Variants in SLC39A11 observed in about 807,000 individuals in gnomAD.
SLC39A11 encodes zinc transporter ZIP11.
Under a neutral mutation model 36.1 loss-of-function variants are expected in SLC39A11, and 33 were observed. That is an observed-to-expected ratio of 0.91 (90% CI 0.69 to 1.22). The LOEUF (loss-of-function observed/expected upper bound fraction) is 1.22, where lower values mean the gene tolerates loss of function less well. Ranked by LOEUF, SLC39A11 falls within the 50% of genes most tolerant of loss-of-function variation. SLC39A11 has a pLI of 0.00. For synonymous variants in SLC39A11, 166 were observed against 170.3 expected (o/e 0.97, Z 0.20); for missense variants, 432 against 430.3 (o/e 1.00, Z -0.03).
chr17:72,667,485 AT>A (rs764822142), intron 7 of SLC39A11, among the ~76,000 whole-genome samples: 24 of 152,254 alleles, frequency 1.6e-4, no homozygotes, highest in Admixed American at 3.3e-4. Context: ...TTGGGAAACA[AT>A]TGTGTTTTCT....
At chr17:72,658,911 G>C (rs1374929375) in intron 7 of SLC39A11, among the ~76,000 whole-genome samples, 2 of 152,192 alleles carry the variant, frequency 1.3e-5, no homozygotes, top group Non-Finnish European at 2.9e-5. Context: ...AACTGCCCGA[G>C]GCTGCTGAAT....
intron 7 of SLC39A11, among the ~76,000 whole-genome samples, chr17:72,696,145 C>T (rs915314977): frequency 4.0e-5 from 6 of 150,836 alleles, no homozygotes; most frequent in Non-Finnish European, 5.9e-5. Flanking sequence ...GTGAAGATCT[C>T]GGAAGGAAAC....
Position 72,910,981 on chromosome 17 carries a change from T to C in SLC39A11, c.430+36771A>G, listed in dbSNP as rs140600923. ...CTTTGCATCAGAATAATACCAACCA[T>C]AGCACCACACTTTGCCCAGAACCTC... On this transcript the variant is annotated intron_variant, in intron 5 of 9. Transcript: ENST00000255559. Among the ~76,000 whole-genome samples the C allele has an allele frequency of 2.5e-3, 374 of 148,768 alleles. 4 individuals are homozygous for C. The highest frequency in any genetic ancestry group is 7.6e-3 in the African/African-American group (306 of 40,456).
intron 4 of SLC39A11, among the ~76,000 whole-genome samples, chr17:73,014,561 G>T (rs1031384914): frequency 2.0e-5 from 3 of 151,458 alleles, no homozygotes; most frequent in Non-Finnish European, 4.4e-5. Context: ...GGAGACTGAG[G>T]CAAGAGGATC....
intron 4 of SLC39A11, among the ~76,000 whole-genome samples, chr17:73,004,468 T>G (rs1041171253): frequency 1.3e-5 from 2 of 152,160 alleles, no homozygotes; most frequent in Non-Finnish European, 2.9e-5. Context: ...TAATCCCATA[T>G]GAGGGCCCCA....
chr17:72,912,686 C>A (rs2083088318), intron 5 of SLC39A11, among the ~76,000 whole-genome samples: 1 of 152,240 alleles, frequency 6.6e-6, no homozygotes, highest in Non-Finnish European at 1.5e-5. Flanking sequence ...GAGGAGGAAA[C>A]ACCGGACCAG....
intron 6 of SLC39A11, among the ~76,000 whole-genome samples, chr17:72,785,488 C>T (rs769615119): frequency 6.6e-6 from 1 of 152,198 alleles, no homozygotes; most frequent in Non-Finnish European, 1.5e-5. Flanking sequence ...CAGTATTTGG[C>T]TCCTCCATCT....
intron 5 of SLC39A11, among the ~76,000 whole-genome samples, chr17:72,894,965 T>C (rs888107943): frequency 3.3e-5 from 5 of 152,144 alleles, no homozygotes; most frequent in Non-Finnish European, 5.9e-5. Flanking sequence ...GCTGTGAAGG[T>C]AGGGCAGTGT....
chr17:72,862,481 G>A (rs148413350), intron 5 of SLC39A11, among the ~76,000 whole-genome samples: 12 of 152,314 alleles, frequency 7.9e-5, no homozygotes, highest in African/African-American at 1.7e-4. Context: ...GAGCAGAAAC[G>A]TTTGCCAGGC....
At chr17:73,038,910 C>T (rs757246153) in intron 3 of SLC39A11, among the ~76,000 whole-genome samples, 1 of 152,034 alleles carries the variant, frequency 6.6e-6, no homozygotes, top group Non-Finnish European at 1.5e-5. Context: ...CTCACCTTGG[C>T]CTAAGCAGCT....
chr17:72,869,640 C>A (rs540541277), intron 5 of SLC39A11, among the ~76,000 whole-genome samples: 1 of 152,062 alleles, frequency 6.6e-6, no homozygotes, highest in East Asian at 1.9e-4. Context: ...TCGGCCTCCT[C>A]GGCCTCCCAA....
chr17:72,963,346 A>AT (rs1453733825), intron 4 of SLC39A11, among the ~76,000 whole-genome samples: 6 of 151,236 alleles, frequency 4.0e-5, no homozygotes, highest in Non-Finnish European at 8.8e-5. Context: ...AATTTTTTGT[A>AT]TTTTTAGTAG....
chr17:72,839,193 G>T (rs1162009550), intron 6 of SLC39A11: 1 of 152,118 alleles, frequency 6.6e-6, no homozygotes, highest in Non-Finnish European at 1.5e-5. Flanking sequence ...AGGAATGCTG[G>T]CTGCTGAAGA....
chr17:72,740,378 G>C (rs1261207615), intron 6 of SLC39A11, among the ~76,000 whole-genome samples: 1 of 151,978 alleles, frequency 6.6e-6, no homozygotes, highest in Non-Finnish European at 1.5e-5. Context: ...ATTTCTTAAT[G>C]TTAAGAAAAT....
chr17:72,915,867 G>C (rs1208972408), intron 5 of SLC39A11, among the ~76,000 whole-genome samples: 1 of 152,172 alleles, frequency 6.6e-6, no homozygotes, highest in Non-Finnish European at 1.5e-5. Context: ...GACATTTTTA[G>C]GGAACCTTCG....
intron 6 of SLC39A11, among the ~76,000 whole-genome samples, chr17:72,781,364 TG>T (rs1444600487): frequency 2.0e-5 from 3 of 152,188 alleles, no homozygotes; most frequent in Admixed American, 2.0e-4. Flanking sequence ...TCCACCTCTT[TG>T]GAAATGCTTT....
At chr17:72,974,512 A>G (rs1286785979) in intron 4 of SLC39A11, among the ~76,000 whole-genome samples, 2 of 152,226 alleles carry the variant, frequency 1.3e-5, no homozygotes, top group Non-Finnish European at 2.9e-5. Flanking sequence ...GATATCAAAC[A>G]AGAAAATACC....
intron 7 of SLC39A11, among the ~76,000 whole-genome samples, chr17:72,720,082 C>T (rs909794491): frequency 1.3e-5 from 2 of 152,184 alleles, no homozygotes; most frequent in South Asian, 2.1e-4. Flanking sequence ...GAGCTGACCA[C>T]GCATTGCCTG....
chr17:72,916,443 C>T (rs2083338542), intron 5 of SLC39A11, among the ~76,000 whole-genome samples: 1 of 150,472 alleles, frequency 6.6e-6, no homozygotes. Context: ...GTCCATTGCA[C>T]GCGGTCCCTT....
Sources: allele counts gnomAD v4.1 joint callset (sites outside exome capture counted in the v4.1 genomes callset), GRCh38; gene constraint gnomAD v4.1.1; transcripts MANE v1.5; gene names NCBI Gene and HGNC (gene_info 2026-07-23, HGNC 2026-07-21).